The following ZBTB20 variants were observed in gnomAD, a reference collection of about 807,000 sequenced individuals.
The protein encoded by ZBTB20 is zinc finger and BTB domain containing 20, also known as zinc finger and BTB domain-containing protein 20.
Under a neutral mutation model 56.9 loss-of-function variants are expected in ZBTB20, and 9 were observed. The observed-to-expected ratio is 0.16, with a 90% CI of 0.10 to 0.28. The LOEUF (loss-of-function observed/expected upper bound fraction) is 0.28. Ranked by LOEUF, ZBTB20 falls within the 10% of genes least tolerant of loss-of-function variation. The probability of loss-of-function intolerance (pLI) is 1.00; values close to 1 mark genes in which losing one functional copy is unlikely to be tolerated. For missense variants in ZBTB20, 655 were observed against 1,003.0 expected (o/e 0.65, Z 4.69); for synonymous variants, 417 against 420.7 (o/e 0.99, Z 0.11).
At chr3:114,638,462 G>A (rs992792613) in intron 6 of ZBTB20, among the ~76,000 whole-genome samples, 14 of 152,044 alleles carry the variant, frequency 9.2e-5, no homozygotes, top group African/African-American at 3.4e-4. Context: ...ACTTAAGTCA[G>A]GATTTGCTAC....
At chr3:114,893,526 T>C (rs17684930) in intron 4 of ZBTB20, among the ~76,000 whole-genome samples, 3,443 of 152,286 alleles carry the variant, frequency 0.023, 47 homozygotes, top group South Asian at 0.05. Context: ...ACAATGTGCC[T>C]TGCTCTTTAG....
chr3:114,401,103 C>CACACACACACACACACAT (rs2086786845), intron 7 of ZBTB20, among the ~76,000 whole-genome samples: 2 of 151,706 alleles, frequency 1.3e-5, no homozygotes, highest in African/African-American at 4.8e-5. Context: ...CACACACACA[C>CACACACACACACACACAT]ACACACACAC....
intron 1 of ZBTB20, chr3:115,144,729 A>C (rs1260491539): frequency 6.6e-6 from 1 of 152,218 alleles, no homozygotes; most frequent in Non-Finnish European, 1.5e-5. Flanking sequence ...ATGGGTAAGC[A>C]TAAAGACTTC....
At chr3:114,643,003 G>A (rs1401580127) in intron 6 of ZBTB20, among the ~76,000 whole-genome samples, 1 of 151,982 alleles carries the variant, frequency 6.6e-6, no homozygotes, top group African/African-American at 2.4e-5. Context: ...GACTTTAGTT[G>A]ACTTAAGCTA....
chr3:114,886,105 G>T (rs1395445998), intron 4 of ZBTB20, among the ~76,000 whole-genome samples: 8 of 152,108 alleles, frequency 5.3e-5, no homozygotes, highest in Non-Finnish European at 1.2e-4. Flanking sequence ...ATAGTGGTCT[G>T]CTCCTTACTT....
intron 7 of ZBTB20, among the ~76,000 whole-genome samples, chr3:114,488,618 A>G (rs2042398326): frequency 6.6e-6 from 1 of 152,220 alleles, no homozygotes; most frequent in Admixed American, 6.5e-5. Flanking sequence ...AGAAATGGGC[A>G]GTCTCTTTTT....
intron 6 of ZBTB20, chr3:114,519,660 T>A (rs1253434276): frequency 1.3e-5 from 2 of 152,202 alleles, no homozygotes; most frequent in African/African-American, 4.8e-5. Flanking sequence ...AGAGACTGCA[T>A]ACACTAAGAC....
At chr3:114,715,320 T>C (rs1344072636) in intron 5 of ZBTB20, among the ~76,000 whole-genome samples, 3 of 152,222 alleles carry the variant, frequency 2.0e-5, no homozygotes, top group Admixed American at 2.0e-4. Context: ...TCGGTAGCAA[T>C]GAGCCCCTTC....
In ZBTB20 at chr3:114,320,166, GTT is replaced by G. The variant is rs1338029191; in HGVS notation, c.*18837_*18838del. On this transcript the variant is annotated 3_prime_UTR_variant, in exon 12 of 12. Transcript: ENST00000675478. ...ATATTAATCTTTCATGTGGGATGTAGTTTGTATGTGTATTCAGTACAAATATA... is the reference window on the plus strand; with the variant it reads ...ATATTAATCTTTCATGTGGGATGTAGTGTATGTGTATTCAGTACAAATATA... 1 of 152,128 alleles carries G rather than the reference GTT, an allele frequency of 6.6e-6. No individual in the cohort carries two copies. Among genetic ancestry groups the G allele is most frequent in the Non-Finnish European group, 1.5e-5 (1 of 68,030 alleles). 9.4% of individuals were successfully genotyped at this position (152,128 alleles called of 1,614,324 possible).
At chr3:114,565,594 A>G (rs915846536) in intron 6 of ZBTB20, among the ~76,000 whole-genome samples, 9 of 152,214 alleles carry the variant, frequency 5.9e-5, no homozygotes, top group African/African-American at 2.2e-4. Flanking sequence ...CTTTGATGAC[A>G]CAAACTAATT....
intron 1 of ZBTB20, among the ~76,000 whole-genome samples, chr3:115,087,190 C>T (rs1366074122): frequency 1.3e-5 from 2 of 151,726 alleles, no homozygotes; most frequent in Non-Finnish European, 2.9e-5. Flanking sequence ...CAAAATTTAG[C>T]TTATGTTCAT....
At chr3:114,569,960 T>G (rs1424160696) in intron 6 of ZBTB20, among the ~76,000 whole-genome samples, 1 of 152,164 alleles carries the variant, frequency 6.6e-6, no homozygotes, top group African/African-American at 2.4e-5. Context: ...ATTAGACTTA[T>G]CTGAGCCAGT....
At chr3:114,993,599 G>T (rs1159553207) in intron 2 of ZBTB20, among the ~76,000 whole-genome samples, 1 of 151,526 alleles carries the variant, frequency 6.6e-6, no homozygotes, top group African/African-American at 2.4e-5. Flanking sequence ...AAGAAATTAA[G>T]ATGAAAAGAT....
At chr3:115,119,928 G>C (rs2084132532) in intron 1 of ZBTB20, among the ~76,000 whole-genome samples, 1 of 151,950 alleles carries the variant, frequency 6.6e-6, no homozygotes, top group African/African-American at 2.4e-5. Context: ...AATCTAAAAG[G>C]CTACATACTG....
chr3:114,572,680 T>C (rs2053566557), intron 6 of ZBTB20, among the ~76,000 whole-genome samples: 3 of 152,216 alleles, frequency 2.0e-5, no homozygotes. Context: ...ACTTAGATTT[T>C]AAAGATTATA....
chr3:114,803,719 G>C (rs2108849779), intron 4 of ZBTB20, among the ~76,000 whole-genome samples: 1 of 151,390 alleles, frequency 6.6e-6, no homozygotes, highest in Admixed American at 6.6e-5. Flanking sequence ...GTGAGATGAA[G>C]GAACAGAAAG....
intron 6 of ZBTB20, among the ~76,000 whole-genome samples, chr3:114,640,694 A>G (rs1402182426): frequency 2.0e-5 from 3 of 152,092 alleles, no homozygotes; most frequent in African/African-American, 7.2e-5. Flanking sequence ...TAGTCATAAC[A>G]CCATTTACAG....
chr3:114,694,049 G>A (rs2062850322), intron 5 of ZBTB20, among the ~76,000 whole-genome samples: 1 of 151,942 alleles, frequency 6.6e-6, no homozygotes, highest in Non-Finnish European at 1.5e-5. Context: ...AAATATTGTG[G>A]CAATGGTGGG....
Position 114,360,490 on chromosome 3 carries a change from G to A in ZBTB20, c.200-8612C>T, listed in dbSNP as rs994104231. On this transcript the variant is annotated intron_variant, in intron 10 of 11. Coordinates refer to ENST00000675478, the MANE Select transcript of ZBTB20 (RefSeq NM_001348800.3). ...CTCCTGAGTAGCTGGGATTACAAGC[G>A]TGCTACCAAACTCGGCTAATTTTTT... Among the ~76,000 whole-genome samples the A allele has an allele frequency of 9.9e-5, 15 of 151,438 alleles. No individual in the cohort carries two copies. The East Asian group carries it at 1.6e-3, about 16-fold the overall frequency.
Sources: gnomAD v4.1 joint callset for allele counts (sites outside exome capture counted in the v4.1 genomes callset) on GRCh38, gnomAD v4.1.1 for gene constraint, MANE v1.5 for transcripts, NCBI Gene and HGNC (gene_info 2026-07-23, HGNC 2026-07-21) for gene names.